Variants in AKAP13 observed in about 807,000 individuals in gnomAD.
AKAP13 encodes the protein A-kinase anchor protein 13.
Under a neutral mutation model 264.5 loss-of-function variants are expected in AKAP13, and 80 were observed. That is an observed-to-expected ratio of 0.30 (90% CI 0.25 to 0.36). The LOEUF (loss-of-function observed/expected upper bound fraction) is 0.36, where lower values mean the gene tolerates loss of function less well. Among genes scored for constraint, AKAP13 ranks in the 10% least tolerant of loss-of-function variants. The pLI is 1.00. For missense variants in AKAP13, 3,712 were observed against 3,435.2 expected, an observed-to-expected ratio of 1.08 and a Z score of -2.01; for synonymous variants, 1,380 against 1,250.2, an observed-to-expected ratio of 1.10 and a Z score of -2.19.
intron 13 of AKAP13, among the ~76,000 whole-genome samples, chr15:85,667,263 G>T (rs991225296): frequency 1.3e-5 from 2 of 152,192 alleles, no homozygotes; most frequent in East Asian, 1.9e-4. Context: ...ACTTATGCTT[G>T]TGTGAGACCA....
intron 16 of AKAP13, among the ~76,000 whole-genome samples, chr15:85,689,315 G>A (rs1447333040): frequency 1.3e-5 from 2 of 152,184 alleles, no homozygotes; most frequent in Non-Finnish European, 2.9e-5. Context: ...AATTTTAAAT[G>A]TAATTCTCAT....
rs771111707 is a variant in AKAP13, at chr15:85,722,298, G to T, written c.6447G>T (p.Arg2149=). The T allele has an allele frequency of 1.2e-6, 2 of 1,613,664 alleles. No individual in the cohort carries two copies. Among genetic ancestry groups the T allele is most frequent in the Non-Finnish European group, 1.7e-6 (2 of 1,179,840 alleles). The change falls in exon 25 of 37, where the codon CGG becomes CGT. Residue 2149 remains arginine (R), a synonymous_variant. Transcript: ENST00000394518. The stretch of plus-strand genomic sequence containing the variant: ...AGTGCATATTGCTTGTAACTCAGCG[G>T]ATTACCAAGTACCCAGTTTTATTCC... ...IPECILLVTQ[R]ITKYPVLFQR... is the part of the protein sequence containing the mutation.
chr15:85,685,490 C>G (rs62022922), intron 16 of AKAP13: 2,193 of 134,346 alleles, frequency 0.016, 119 homozygotes, highest in Admixed American at 0.12. Flanking sequence ...GTGTGTGTGT[C>G]TGTGTGTGTG....
chr15:85,743,838 C>T lies in AKAP13; in HGVS notation c.8392+13C>T, dbSNP rs745672628. 12 of 1,596,898 alleles carry T rather than the reference C, an allele frequency of 7.5e-6. No homozygotes were observed. The highest frequency in any genetic ancestry group is 1.9e-4 in the Middle Eastern group (1 of 5,236). On this transcript the variant is annotated intron_variant, in intron 36 of 36. Coordinates refer to ENST00000394518, the MANE Select transcript of AKAP13 (RefSeq NM_007200.5). The stretch of plus-strand genomic sequence containing the variant: ...TCTCAGCCCGGTGGTGAGTCACGCA[C>T]ACCTGCTCTCCCTGTGGCCATAGTG...
At position 85,613,834 on chromosome 15, in the gene AKAP13, C is replaced by T. The variant is rs140368423; in HGVS notation, c.4162-25540C>T. 5.0e-3 allele frequency among the ~76,000 whole-genome samples: 755 copies of T among 151,048 alleles called. 7 individuals carry two copies. Among genetic ancestry groups the T allele is most frequent in the African/African-American group, 0.016 (675 of 41,078 alleles). On this transcript the variant is annotated intron_variant, in intron 8 of 36. Transcript: ENST00000394518. Reference sequence around the variant, plus strand: ...AATGATACAGAGTTTGGAGAAACAGCTGTTACTTCAGTGATGGAATTTAGG... The same window carrying T: ...AATGATACAGAGTTTGGAGAAACAGTTGTTACTTCAGTGATGGAATTTAGG...
At chr15:85,460,595 G>A (rs1196940039) in intron 1 of AKAP13, among the ~76,000 whole-genome samples, 1 of 152,218 alleles carries the variant, frequency 6.6e-6, no homozygotes, top group Non-Finnish European at 1.5e-5. Flanking sequence ...GGTTCTCTCT[G>A]AAGATATAAT....
chr15:85,639,545 G>C, intron 9 of AKAP13, 96 bp downstream of exon 9: 1 of 890,986 alleles, frequency 1.1e-6, no homozygotes, highest in Admixed American at 1.9e-5. Flanking sequence ...ATGTTATACA[G>C]TAAATCAGAG....
At chr15:85,390,020 A>T (rs896626431) in intron 1 of AKAP13, 2 of 152,224 alleles carry the variant, frequency 1.3e-5, no homozygotes, top group Non-Finnish European at 2.9e-5. Flanking sequence ...TTTATTTACT[A>T]TGCAGCTTTA....
chr15:85,583,099 T>TACC, intron 7 of AKAP13: 1 of 985,494 alleles, frequency 1.0e-6, no homozygotes, highest in Non-Finnish European at 1.2e-6. Context: ...CACACTTCTA[T>TACC]ACCACCACCT....
intron 2 of AKAP13, among the ~76,000 whole-genome samples, chr15:85,492,548 C>T (rs1436297211): frequency 1.3e-5 from 2 of 152,160 alleles, no homozygotes; most frequent in Admixed American, 1.3e-4. Flanking sequence ...CTCTGTTCCC[C>T]TTAAATATTT....
Position 85,613,705 on chromosome 15 carries a change from TATATATATTA to T in AKAP13, c.4162-25668_4162-25659del, listed in dbSNP as rs1232512831. On this transcript the variant is annotated intron_variant, in intron 8 of 36. Coordinates refer to ENST00000394518, the MANE Select transcript of AKAP13 (RefSeq NM_007200.5). ...AAAAAAAAAAAAATATATATATATA[TATATATATTA>T]GGAGTGCTGATTGATGGACAGATGT... Among the ~76,000 whole-genome samples the T allele has an allele frequency of 1.2e-4, 15 of 124,780 alleles. 2 individuals carry two copies. Among genetic ancestry groups the T allele is most frequent in the South Asian group, 2.7e-4 (1 of 3,744 alleles). 81.9% of individuals were successfully genotyped at this position (124,780 alleles called of 152,430 possible).
Position 85,708,776 on chromosome 15 carries a change from G to A in AKAP13, c.5532+690G>A, listed in dbSNP as rs2086462180. ...CAAAGGAGTGCTTTCCAACTTCGTC[G>A]ACACAGATGATTAATGAGCTGTGTG... On this transcript the variant is annotated intron_variant, in intron 18 of 36. Coordinates refer to ENST00000394518, the MANE Select transcript of AKAP13 (RefSeq NM_007200.5). This position sits in a 1 kb window ranked among gnomAD's most constrained non-coding sequence, Gnocchi z 4.3. Among the ~76,000 whole-genome samples the A allele has an allele frequency of 6.6e-6, 1 of 152,078 alleles. No individual in the cohort carries two copies. The highest frequency in any genetic ancestry group is 1.5e-5 in the Non-Finnish European group (1 of 68,030).
intron 5 of AKAP13, among the ~76,000 whole-genome samples, chr15:85,555,084 C>G (rs1596512869): frequency 6.6e-6 from 1 of 152,038 alleles, no homozygotes; most frequent in East Asian, 1.9e-4. Context: ...GCTAAAATAT[C>G]TTGTGGCCCT....
intron 1 of AKAP13, among the ~76,000 whole-genome samples, chr15:85,465,848 A>G (rs939319983): frequency 2.0e-5 from 3 of 150,134 alleles, no homozygotes; most frequent in African/African-American, 7.4e-5. Flanking sequence ...CATGATTTAT[A>G]GTCCTTTGGG....
At chr15:85,470,862 A>C (rs2074935239) in intron 1 of AKAP13, among the ~76,000 whole-genome samples, 1 of 152,220 alleles carries the variant, frequency 6.6e-6, no homozygotes. Context: ...ATTCAATTTT[A>C]TGCTTTCTCT....
chr15:85,441,048 C>CT (rs1040389412), intron 1 of AKAP13, among the ~76,000 whole-genome samples: 1 of 152,098 alleles, frequency 6.6e-6, no homozygotes, highest in Non-Finnish European at 1.5e-5. Flanking sequence ...CACTTGAGGT[C>CT]TTTTTTGTAA....
intron 8 of AKAP13, among the ~76,000 whole-genome samples, chr15:85,620,704 G>A (rs1247030367): frequency 6.6e-6 from 1 of 152,136 alleles, no homozygotes; most frequent in East Asian, 1.9e-4. Flanking sequence ...ATCTATTAAG[G>A]TGGCAGAGCT....
chr15:85,719,151 C>A lies in AKAP13; in HGVS notation c.6077C>A (p.Ala2026Glu). The A allele has an allele frequency of 1.2e-6, 2 of 1,614,126 alleles. No individual in the cohort carries two copies. The highest frequency in any genetic ancestry group is 1.7e-6 in the Non-Finnish European group (2 of 1,180,028). Reference protein sequence around the residue: ...MSGVYSQGMMADLLFEQQMVE... With the variant: ...MSGVYSQGMMEDLLFEQQMVE... ...GGTGTGTACAGCCAGGGGATGATGG[C>A]GGATCTGCTTTTTGAGCAGCAGATG... is the stretch of plus-strand genomic sequence containing the variant. The change falls in exon 23 of 37, where the codon GCG becomes GAG. Residue 2026 changes from alanine (A) to glutamate (E), a missense_variant. Transcript: ENST00000394518.
chr15:85,419,016 CA>C (rs2072382661), intron 1 of AKAP13, among the ~76,000 whole-genome samples: 1 of 152,116 alleles, frequency 6.6e-6, no homozygotes, highest in Non-Finnish European at 1.5e-5. Context: ...TCAAGGATGC[CA>C]CCCTTAAGGG....
Sources: gnomAD v4.1 joint callset for allele counts (sites outside exome capture counted in the v4.1 genomes callset) on GRCh38, gnomAD v4.1.1 for gene constraint, Gnocchi (gnomAD v3.1) non-coding constraint, MANE v1.5 for transcripts, NCBI Gene and HGNC (gene_info 2026-07-23, HGNC 2026-07-21) for gene names.